The following CSMD1 variants were observed in gnomAD, a reference collection of about 807,000 sequenced individuals.
CSMD1 encodes the protein CUB and sushi domain-containing protein 1.
A neutral mutation model predicts 417.5 loss-of-function variants in CSMD1; 213 were observed. That is an observed-to-expected ratio of 0.51 (90% CI 0.46 to 0.57). The LOEUF is 0.57. Among genes scored for constraint, CSMD1 ranks in the 20% least tolerant of loss-of-function variants. The probability of loss-of-function intolerance (pLI) is 0.00; values close to 1 mark genes in which losing one functional copy is unlikely to be tolerated. For missense variants in CSMD1, 6,923 were observed against 4,529.7 expected (o/e 1.53, Z -15.17); for synonymous variants, 2,862 against 1,736.8 (o/e 1.65, Z -16.11).
chr8:3,763,910 TTAA>T (rs1302697819), intron 5 of CSMD1, among the ~76,000 whole-genome samples: 3 of 152,138 alleles, frequency 2.0e-5, no homozygotes, highest in African/African-American at 7.2e-5. Flanking sequence ...TCTCCTTATC[TTAA>T]TAACCTCTAT....
At chr8:3,624,223 C>A (rs1357565111) in intron 7 of CSMD1, among the ~76,000 whole-genome samples, 5 of 152,086 alleles carry the variant, frequency 3.3e-5, no homozygotes, top group African/African-American at 1.2e-4. Flanking sequence ...CATGGGAAGC[C>A]ATATGGTTTC....
chr8:3,621,214 G>A (rs565883865), intron 7 of CSMD1, among the ~76,000 whole-genome samples: 23 of 152,282 alleles, frequency 1.5e-4, no homozygotes, highest in South Asian at 4.1e-4. Flanking sequence ...GGCGAGTAGC[G>A]TAGCACTTTT....
intron 2 of CSMD1, among the ~76,000 whole-genome samples, chr8:4,452,549 T>A (rs1254977754): frequency 6.6e-6 from 1 of 152,192 alleles, no homozygotes; most frequent in Non-Finnish European, 1.5e-5. Flanking sequence ...ATAATTCACT[T>A]TTTCCAATCA....
intron 25 of CSMD1, among the ~76,000 whole-genome samples, chr8:3,299,557 G>C (rs571008209): frequency 5.7e-5 from 5 of 87,642 alleles, no homozygotes; most frequent in Admixed American, 2.7e-4. Context: ...GTGTCCCAAG[G>C]TCTGGCAGAT....
At chr8:4,417,522 A>G (rs1000580647) in intron 3 of CSMD1, among the ~76,000 whole-genome samples, 4 of 152,062 alleles carry the variant, frequency 2.6e-5, no homozygotes, top group African/African-American at 7.2e-5. Flanking sequence ...AGTTAAATAA[A>G]AAAACATGAA....
At chr8:3,737,442 T>C (rs999347422) in intron 6 of CSMD1, among the ~76,000 whole-genome samples, 1 of 152,230 alleles carries the variant, frequency 6.6e-6, no homozygotes, top group African/African-American at 2.4e-5. Context: ...AGAATTAAAG[T>C]TACAGAAAAA....
At chr8:3,717,977 G>C (rs185676334) in intron 6 of CSMD1, among the ~76,000 whole-genome samples, 1,674 of 152,240 alleles carry the variant, frequency 0.011, 15 homozygotes, top group Non-Finnish European at 0.019. Flanking sequence ...TATAGGACCA[G>C]TTTACTTCAC....
At chr8:4,394,556 G>A (rs1039724057) in intron 3 of CSMD1, among the ~76,000 whole-genome samples, 4 of 152,166 alleles carry the variant, frequency 2.6e-5, no homozygotes, top group Admixed American at 6.5e-5. Flanking sequence ...TGGAGCAAAT[G>A]GACTTTGGTT....
At chr8:3,661,738 T>C (rs148825151) in intron 7 of CSMD1, among the ~76,000 whole-genome samples, 3,094 of 152,170 alleles carry the variant, frequency 0.02, 107 homozygotes, top group African/African-American at 0.068. Flanking sequence ...CTCAAGTGAT[T>C]CACCCGCCCT....
intron 5 of CSMD1, among the ~76,000 whole-genome samples, chr8:3,941,681 G>C (rs986908131): frequency 6.6e-6 from 1 of 152,150 alleles, no homozygotes; most frequent in Non-Finnish European, 1.5e-5. Context: ...AGTTTGACTA[G>C]AATGTAATGA....
At chr8:3,326,638 G>C (rs1018857993) in intron 23 of CSMD1, among the ~76,000 whole-genome samples, 4 of 152,144 alleles carry the variant, frequency 2.6e-5, no homozygotes, top group African/African-American at 9.7e-5. Context: ...CCAGAGATGG[G>C]GATGTCTTCC....
intron 2 of CSMD1, among the ~76,000 whole-genome samples, chr8:4,442,538 C>T (rs1247350278): frequency 1.3e-5 from 2 of 152,172 alleles, no homozygotes; most frequent in African/African-American, 4.8e-5. Context: ...TGAAGAACCT[C>T]TCAAACCATA....
chr8:3,365,107 T>C (rs903693306), intron 20 of CSMD1, among the ~76,000 whole-genome samples: 1 of 152,154 alleles, frequency 6.6e-6, no homozygotes, highest in Admixed American at 6.5e-5. Context: ...GCAATACTAA[T>C]TGAGATACAC....
intron 5 of CSMD1, among the ~76,000 whole-genome samples, chr8:3,777,920 G>A (rs181922066): frequency 1.6e-3 from 242 of 151,662 alleles, no homozygotes; most frequent in African/African-American, 5.7e-3. Context: ...CAGACCCGCA[G>A]CCTCCTTGAA....
chr8:3,293,181 T>G (rs535143198), intron 25 of CSMD1, among the ~76,000 whole-genome samples: 1,855 of 152,310 alleles, frequency 0.012, 41 homozygotes, highest in African/African-American at 0.042. Context: ...TGTAGAGTTT[T>G]TGCCGAGAGA....
At chr8:4,405,074 G>T (rs1017079886) in intron 3 of CSMD1, among the ~76,000 whole-genome samples, 1 of 152,230 alleles carries the variant, frequency 6.6e-6, no homozygotes, top group Non-Finnish European at 1.5e-5. Flanking sequence ...AATCAATGCT[G>T]CATCCATGGT....
At chr8:4,177,197 A>G (rs1406908812) in intron 3 of CSMD1, among the ~76,000 whole-genome samples, 1 of 152,314 alleles carries the variant, frequency 6.6e-6, no homozygotes, top group African/African-American at 2.4e-5. Context: ...TCTCCTCAGC[A>G]AATGTAAAAG....
chr8:4,467,099 G>GTCT (rs1297487019), intron 2 of CSMD1, among the ~76,000 whole-genome samples: 1 of 133,428 alleles, frequency 7.5e-6, no homozygotes, highest in Non-Finnish European at 1.6e-5. Context: ...TTTCAACTTA[G>GTCT]TCTTGCTCTA....
At chr8:4,331,926 TAC>T (rs1338397247) in intron 3 of CSMD1, among the ~76,000 whole-genome samples, 1 of 152,200 alleles carries the variant, frequency 6.6e-6, no homozygotes. Context: ...ATGATTTTTT[TAC>T]AGTCTCCATG....
Sources: allele counts gnomAD v4.1 joint callset (sites outside exome capture counted in the v4.1 genomes callset), GRCh38; gene constraint gnomAD v4.1.1; transcripts MANE v1.5; gene names NCBI Gene and HGNC (gene_info 2026-07-23, HGNC 2026-07-21).